Variants in PPM1J observed in about 807,000 individuals in gnomAD.
PPM1J encodes protein phosphatase 1J.
A neutral mutation model predicts 53.3 loss-of-function variants in PPM1J; 43 were observed. The ratio of observed to expected loss-of-function variants is 0.81; its 90% confidence interval spans 0.63 to 1.04. The LOEUF (loss-of-function observed/expected upper bound fraction) is 1.04, where lower values mean the gene tolerates loss of function less well. PPM1J is among the 50% of genes least tolerant of loss of function. PPM1J has a pLI of 0.00. For missense variants in PPM1J, 635 were observed against 685.9 expected (o/e 0.93, Z 0.83); for synonymous variants, 267 against 286.4 (o/e 0.93, Z 0.68).
In PPM1J at chr1:112,710,801, G is replaced by A. The variant is rs1273691509; in HGVS notation, c.1161C>T (p.Ser387=). Residue 387 remains serine (S), a synonymous_variant, in exon 8 of 10, where the codon AGC becomes AGT. Coordinates refer to ENST00000309276, the MANE Select transcript of PPM1J (RefSeq NM_005167.7). ...GCAGGGTGGAACTGCAGACCTTAAG[G>A]CTGTGGTCTCCCAAGCCTCGGGTCA... ...IGVTRGLGDH[S]LKVCSSTLPI... 1.2e-6 allele frequency: 2 copies of A among 1,613,976 alleles called. No homozygotes were observed. The highest frequency in any genetic ancestry group is 8.5e-7 in the Non-Finnish European group (1 of 1,179,916).
chr1:112,712,468 A>C lies in PPM1J; in HGVS notation c.730-11T>G. 1 of 1,609,796 alleles carries C rather than the reference A, an allele frequency of 6.2e-7. No homozygotes were observed. Among genetic ancestry groups the C allele is most frequent in the South Asian group, 1.1e-5 (1 of 90,878 alleles). On this transcript the variant is annotated splice_polypyrimidine_tract_variant and intron_variant, in intron 3 of 9. Transcript: ENST00000309276. Reference sequence around the variant, plus strand: ...GGCCATCTGCTCATCCTGCCACATAAGGAAGGGTCAGAGGTGGGTAGAAGG... The same window carrying C: ...GGCCATCTGCTCATCCTGCCACATACGGAAGGGTCAGAGGTGGGTAGAAGG...
In PPM1J at chr1:112,710,062, T is replaced by A; in HGVS notation, c.*101A>T. ...GATATAGCGGACATCCCTTCTTCAG[T>A]TAAGTTGCCACTAAAGAAGGGTCAG... On this transcript the variant is annotated 3_prime_UTR_variant, in exon 10 of 10. Coordinates refer to ENST00000309276, the MANE Select transcript of PPM1J (RefSeq NM_005167.7). The A allele has an allele frequency of 3.4e-6, 5 of 1,471,882 alleles. No individual in the cohort carries two copies. Among genetic ancestry groups the A allele is most frequent in the Non-Finnish European group, 4.5e-6 (5 of 1,114,778 alleles). The allele number at this position is 1,471,882 out of a possible 1,614,324, so 91.2% of individuals were successfully genotyped here.
At position 112,715,330 on chromosome 1, in the gene PPM1J, G is replaced by A. The variant is rs1675178013; in HGVS notation, c.-29C>T. On this transcript the variant is annotated 5_prime_UTR_variant, in exon 1 of 10. Coordinates refer to ENST00000309276, the MANE Select transcript of PPM1J (RefSeq NM_005167.7). The surrounding 1 kb of genome is among the most constrained non-coding windows in gnomAD (Gnocchi z 4.4). ...GCCTCCCTGCCCCGCCCTCGGCCGC[G>A]GCCCCGCCCCCGCCCAGGCCCCGCC... 8.2e-7 allele frequency: 1 copy of A among 1,222,320 alleles called. No individual in the cohort carries two copies. The highest frequency in any genetic ancestry group is 1.0e-6 in the Non-Finnish European group (1 of 981,142). 75.7% of individuals were successfully genotyped at this position (1,222,320 alleles called of 1,614,324 possible).
Sources: allele counts gnomAD v4.1 joint callset, GRCh38; gene constraint gnomAD v4.1.1; non-coding constraint Gnocchi (gnomAD v3.1); transcripts MANE v1.5; gene names NCBI Gene and HGNC (gene_info 2026-07-23, HGNC 2026-07-21).